HK1: variants seen among roughly 807,000 people sequenced by gnomAD.
HK1 encodes hexokinase 1, also known as hexokinase-1.
A neutral mutation model predicts 91.6 loss-of-function variants in HK1; 28 were observed. That is an observed-to-expected ratio of 0.31 (90% CI 0.23 to 0.42). The LOEUF is 0.42. Ranked by LOEUF, HK1 falls within the 10% of genes least tolerant of loss-of-function variation. HK1 has a pLI of 1.00. For synonymous variants in HK1, 430 were observed against 468.1 expected, an observed-to-expected ratio of 0.92 and a Z score of 1.05; for missense variants, 770 against 1,219.8, an observed-to-expected ratio of 0.63 and a Z score of 5.49.
At chr10:69,344,065 A>G (rs1848428481) in intron 2 of HK1, 76 bp downstream of exon 2, 1 of 1,456,686 alleles carries the variant, frequency 6.9e-7, no homozygotes, top group Non-Finnish European at 9.6e-7. Context: ...TCATTTGTTC[A>G]TACATTTGCT....
intron 1 of HK1, among the ~76,000 whole-genome samples, chr10:69,341,826 G>T (rs898854047): frequency 2.0e-5 from 3 of 152,030 alleles, no homozygotes; most frequent in Admixed American, 2.0e-4. Flanking sequence ...TTATTGTAAA[G>T]GGAAAAAGGT....
Position 69,398,842 on chromosome 10 carries a change from C to T in HK1, c.2609+14C>T, listed in dbSNP as rs772714617. 2 of 1,586,346 alleles carry T rather than the reference C, an allele frequency of 1.3e-6. No homozygotes were observed. Among genetic ancestry groups the T allele is most frequent in the Non-Finnish European group, 1.7e-6 (2 of 1,155,562 alleles). ...GCTTCATCCACAGTGAGTGGGCCTT[C>T]CAGTTGGGATGCGCAGAGCTTGCTG... is the stretch of plus-strand genomic sequence containing the variant. On this transcript the variant is annotated intron_variant, in intron 17 of 17. Coordinates refer to ENST00000359426, the MANE Select transcript of HK1 (RefSeq NM_000188.3).
At chr10:69,315,853 T>C, upstream of HK1, 1 of 1,168,994 alleles carries the variant, frequency 8.6e-7, no homozygotes. Flanking sequence ...TAGGCTGGAG[T>C]CCTGGCTCAA....
intron 1 of HK1, among the ~76,000 whole-genome samples, chr10:69,275,157 A>G (rs1034294776): frequency 6.6e-6 from 1 of 151,798 alleles, no homozygotes; most frequent in African/African-American, 2.4e-5. Flanking sequence ...CCAATTCTAA[A>G]TATTTTAAAT....
At chr10:69,351,423 C>T (rs917089476) in intron 2 of HK1, among the ~76,000 whole-genome samples, 2 of 151,980 alleles carry the variant, frequency 1.3e-5, no homozygotes, top group African/African-American at 2.4e-5. Context: ...GCAAGAGAAT[C>T]GCTTGAACCC....
At chr10:69,386,076 A>G (rs910370523) in intron 12 of HK1, among the ~76,000 whole-genome samples, 1 of 150,456 alleles carries the variant, frequency 6.6e-6, no homozygotes, top group African/African-American at 2.5e-5. Context: ...TGCTGAGTGA[A>G]CTTAGACATT....
At chr10:69,377,227 T>A (rs754553086) in intron 8 of HK1, 138 bp downstream of exon 8, 338 of 1,003,560 alleles carry the variant, frequency 3.4e-4, no homozygotes, top group Admixed American at 3.6e-4. Context: ...GTCCTCTCAC[T>A]CTTAGTTGAC....
intron 7 of HK1, among the ~76,000 whole-genome samples, chr10:69,371,654 CT>C (rs1850011675): frequency 6.6e-6 from 1 of 152,188 alleles, no homozygotes; most frequent in Non-Finnish European, 1.5e-5. Flanking sequence ...TGCCCAGGCC[CT>C]TATCCTTGGT....
chr10:69,282,279 C>T, intron 1 of HK1, among the ~76,000 whole-genome samples: 1 of 152,154 alleles, frequency 6.6e-6, no homozygotes, highest in East Asian at 1.9e-4. Context: ...GTCCTCCTCA[C>T]CATTGTCACC....
intron 2 of HK1, among the ~76,000 whole-genome samples, chr10:69,352,670 G>A (rs1848938621): frequency 6.6e-6 from 1 of 152,146 alleles, no homozygotes; most frequent in Non-Finnish European, 1.5e-5. Flanking sequence ...TGGAATAGGG[G>A]CATCTGTAGA....
Position 69,382,654 on chromosome 10 carries a change from A to T in HK1, c.1433A>T (p.His478Leu). ...ATAGAGGAGACCCTGGCTCATTTCC[A>T]CCTCACCAAGGACATGCTGCTGGAG... ...RQIEETLAHF[H>L]LTKDMLLEVK... Residue 478 changes from histidine to leucine, a missense_variant, in exon 10 of 18, where the codon CAC (histidine) becomes CTC (leucine). Transcript: ENST00000359426. 6.2e-7 allele frequency: 1 copy of T among 1,614,036 alleles called. No individual in the cohort carries two copies.
intron 1 of HK1, among the ~76,000 whole-genome samples, chr10:69,274,138 A>G (rs1212001181): frequency 6.6e-6 from 1 of 152,154 alleles, no homozygotes; most frequent in African/African-American, 2.4e-5. Context: ...GAGCTGGATC[A>G]GTTCACTTTT....
At chr10:69,388,363 C>A (rs550889575) in intron 13 of HK1, among the ~76,000 whole-genome samples, 41 of 152,266 alleles carry the variant, frequency 2.7e-4, no homozygotes, top group African/African-American at 9.1e-4. Flanking sequence ...GGGCGGATTA[C>A]TTGAGCTTAG....
At chr10:69,376,457 T>C (rs1288388456) in intron 7 of HK1, among the ~76,000 whole-genome samples, 1 of 152,056 alleles carries the variant, frequency 6.6e-6, no homozygotes, top group African/African-American at 2.4e-5. Context: ...AGAGTCGAGA[T>C]TGTGTCACTG....
upstream of HK1, chr10:69,315,877 C>A (rs1400612051): frequency 6.9e-7 from 1 of 1,440,550 alleles, no homozygotes; most frequent in Non-Finnish European, 9.8e-7. Context: ...TCTACCACAA[C>A]CTGACACTGG....
rs753916931 is a variant in HK1, at chr10:69,300,827, G to A, written c.-8G>A. ...CATTAATGTGCACCACTGTGGTGGCGTGGAAAGATGGCAAAAAGAGCCCTG... is the reference window on the plus strand; with the variant it reads ...CATTAATGTGCACCACTGTGGTGGCATGGAAAGATGGCAAAAAGAGCCCTG... On this transcript the variant is annotated 5_prime_UTR_variant, in exon 5 of 22. Transcript: ENST00000360289. The A allele has an allele frequency of 6.7e-5, 108 of 1,608,460 alleles. No homozygotes were observed. The East Asian group carries it at 2.1e-3, about 31-fold the overall frequency.
intron 5 of HK1, among the ~76,000 whole-genome samples, chr10:69,309,930 ATCC>A (rs1029755589): frequency 6.8e-6 from 1 of 146,778 alleles, no homozygotes; most frequent in Non-Finnish European, 1.5e-5. Flanking sequence ...CATGCCTGTA[ATCC>A]CAGCTACTTG....
At chr10:69,382,880 C>A in intron 10 of HK1, 89 bp downstream of exon 10, 1 of 1,275,464 alleles carries the variant, frequency 7.8e-7, no homozygotes, top group Non-Finnish European at 1.1e-6. Context: ...CAGTGGATGC[C>A]TTCACACTGG....
At position 69,320,401 on chromosome 10, in the gene HK1, G is replaced by A. The variant is rs372508097; in HGVS notation, c.63+1391G>A. Among the ~76,000 whole-genome samples the A allele has an allele frequency of 2.6e-5, 4 of 152,238 alleles. No individual in the cohort carries two copies. In the East Asian group the frequency reaches 7.7e-4, roughly 29 times the overall value. The stretch of plus-strand genomic sequence containing the variant: ...ATGCCATCTGCCATTGCTCTTTATG[G>A]CTTTAAGCACTCTGGGGTTGTCAAA... On this transcript the variant is annotated intron_variant, in intron 1 of 17. Transcript: ENST00000359426.
Sources: allele counts gnomAD v4.1 joint callset (sites outside exome capture counted in the v4.1 genomes callset), GRCh38; gene constraint gnomAD v4.1.1; transcripts MANE v1.5; gene names NCBI Gene and HGNC (gene_info 2026-07-23, HGNC 2026-07-21).